ANKRD24: variants seen among roughly 807,000 people sequenced by gnomAD.
ANKRD24 encodes the protein ankyrin repeat domain-containing protein 24.
Under a neutral mutation model 127.8 loss-of-function variants are expected in ANKRD24, and 109 were observed. The ratio of observed to expected loss-of-function variants is 0.85; its 90% CI spans 0.73 to 1.00. The LOEUF is 1.00. Ranked by LOEUF, ANKRD24 falls within the 50% of genes least tolerant of loss-of-function variation. ANKRD24 has a pLI of 0.00. For missense variants in ANKRD24, 1,648 were observed against 1,570.2 expected, an observed-to-expected ratio of 1.05 and a Z score of -0.84; for synonymous variants, 743 against 671.1, an observed-to-expected ratio of 1.11 and a Z score of -1.66.
rs955577079 is a variant in ANKRD24, at chr19:4,199,206, G to A, written c.37-477G>A. On this transcript the variant is annotated intron_variant, in intron 2 of 21. Transcript: ENST00000318934. The surrounding 1 kb of genome is among the most constrained non-coding windows in gnomAD (Gnocchi z 5.2). ...ACTCATGGATCCATTTGCTGGGGGC[G>A]ATGTTGCAGGGGTGGCTTTCACTAA... is the stretch of plus-strand genomic sequence containing the variant. 6.6e-6 allele frequency among the ~76,000 whole-genome samples: 1 copy of A among 151,934 alleles called. No individual in the cohort carries two copies. Among genetic ancestry groups the A allele is most frequent in the Non-Finnish European group, 1.5e-5 (1 of 67,980 alleles).
At chr19:4,206,073 T>C (rs1320235076) in intron 7 of ANKRD24, among the ~76,000 whole-genome samples, 2 of 149,956 alleles carry the variant, frequency 1.3e-5, no homozygotes, top group Non-Finnish European at 3.0e-5. Context: ...ACCCGGGAGG[T>C]GGAGGTTGCA....
At position 4,217,214 on chromosome 19, in the gene ANKRD24, C is replaced by T. The variant is rs1970149579; in HGVS notation, c.2054C>T (p.Thr685Ile). 1 of 1,604,214 alleles carries T rather than the reference C, an allele frequency of 6.2e-7. No individual in the cohort carries two copies. Among genetic ancestry groups the T allele is most frequent in the Non-Finnish European group, 8.5e-7 (1 of 1,174,986 alleles). The part of the protein sequence containing the change: ...TGSRATGMES[T>I]GVSATGVENP... ...TCTAGGGCCACAGGGATGGAATCCA[C>T]AGGAGTCAGTGCCACAGGTGTGGAG... Residue 685 changes from threonine (T) to isoleucine (I), a missense_variant, in exon 18 of 22, where the codon ACA (threonine) becomes ATA (isoleucine). Thr to Ile is a moderately conservative substitution (Grantham distance 89, BLOSUM62 -1). Transcript: ENST00000318934.
Position 4,215,959 on chromosome 19 carries a change from C to G in ANKRD24, c.1198-19C>G, listed in dbSNP as rs867461844. ...GCTGAGAGCAGAACCCCGAGCTGGA[C>G]TCTGCTCCCTCCCCCCAGAACGAGC... On this transcript the variant is annotated intron_variant, in intron 15 of 21. Transcript: ENST00000318934. 11 of 1,568,418 alleles carry G rather than the reference C, an allele frequency of 7.0e-6. No individual in the cohort carries two copies. In the Middle Eastern group the frequency reaches 1.7e-3, roughly 238 times the overall value.
chr19:4,193,694 A>G (rs1256048451), intron 2 of ANKRD24, among the ~76,000 whole-genome samples: 1 of 151,830 alleles, frequency 6.6e-6, no homozygotes, highest in Admixed American at 6.6e-5. Context: ...AAAATTAGCC[A>G]GGCATGGTGG....
chr19:4,203,957 CTTT>C (rs34885254), intron 7 of ANKRD24, among the ~76,000 whole-genome samples: 2,849 of 62,398 alleles, frequency 0.046, 110 homozygotes, highest in African/African-American at 0.15. Flanking sequence ...GCCCTTCTCC[CTTT>C]TTTTTTTTTT....
Position 4,218,047 on chromosome 19 carries a change from G to A in ANKRD24, c.2887G>A (p.Ala963Thr). ...ELERERVCSV[A>T]LSEHERIVGT... ...GGAGCGGGAGCGTGTGTGCAGCGTG[G>A]CGCTCTCGGAGCACGAACGCATCGT... Residue 963 changes from alanine (A) to threonine (T), a missense_variant, in exon 18 of 22, where the codon GCG (alanine) becomes ACG (threonine). Transcript: ENST00000318934. 6.4e-7 allele frequency: 1 copy of A among 1,560,408 alleles called. No homozygotes were observed.
At chr19:4,196,337 TTTG>T (rs112815640) in intron 2 of ANKRD24, among the ~76,000 whole-genome samples, 12,248 of 151,144 alleles carry the variant, frequency 0.081, 675 homozygotes, top group Non-Finnish European at 0.12. Context: ...AGACCTCGGT[TTTG>T]TTGTTGTTGT....
rs376100461 is a variant in ANKRD24, at chr19:4,210,336, G to A, written c.1023G>A (p.Arg341=). Residue 341 remains arginine (R), a synonymous_variant, in exon 13 of 22, where the codon CGG becomes CGA. Coordinates refer to ENST00000318934, the MANE Select transcript of ANKRD24 (RefSeq NM_001393985.1). ...QERGRLLQKI[R]GLEQHKERRQ... The stretch of plus-strand genomic sequence containing the variant: ...GGGGCCGCCTCCTGCAGAAGATCCG[G>A]GGCCTGGAACAGCACAAGGAACGGA... 55 of 1,575,654 alleles carry A rather than the reference G, an allele frequency of 3.5e-5. No individual in the cohort carries two copies. In the African/African-American group the frequency reaches 6.6e-4, roughly 19 times the overall value.
At chr19:4,190,489 C>T (rs1968325322) in intron 2 of ANKRD24, among the ~76,000 whole-genome samples, 1 of 151,168 alleles carries the variant, frequency 6.6e-6, no homozygotes, top group Non-Finnish European at 1.5e-5. Context: ...CTTTGAGAGG[C>T]AGAGGCGGGC....
At chr19:4,200,365 G>A (rs1413816673) in intron 5 of ANKRD24, among the ~76,000 whole-genome samples, 194 bp downstream of exon 5, 1 of 152,178 alleles carries the variant, frequency 6.6e-6, no homozygotes, top group Non-Finnish European at 1.5e-5. Flanking sequence ...GATAGAGACT[G>A]TGGCTGGCAC....
intron 20 of ANKRD24, 100 bp downstream of exon 20, chr19:4,222,895 C>A: frequency 7.4e-7 from 1 of 1,348,456 alleles, no homozygotes. Flanking sequence ...AGGAGAGGGG[C>A]TGGGGTAGGC....
intron 13 of ANKRD24, 47 bp from the exon 14 acceptor site, chr19:4,212,427 GA>G: frequency 6.4e-7 from 1 of 1,557,808 alleles, no homozygotes; most frequent in South Asian, 1.2e-5. Context: ...GTGGGGCAGG[GA>G]GGCCTCTTGC....
At position 4,218,108 on chromosome 19, in the gene ANKRD24, G is replaced by GGCAGCTGGAGGA; in HGVS notation, c.2951_2962dup (p.Gln984_Glu987dup). On this transcript the variant is annotated inframe_insertion, in exon 18 of 22. Coordinates refer to ENST00000318934, the MANE Select transcript of ANKRD24 (RefSeq NM_001393985.1). ...CAGGCCAACGTGGCCCAGCTGGAGG[G>GGCAGCTGGAGGA]GCAGCTGGAGGAGCTGGGACGGCGG... 6.5e-7 allele frequency: 1 copy of GGCAGCTGGAGGA among 1,544,062 alleles called. No individual in the cohort carries two copies. The highest frequency in any genetic ancestry group is 8.7e-7 in the Non-Finnish European group (1 of 1,147,116).
In ANKRD24 at chr19:4,217,243, C is replaced by T. The variant is rs1378384155; in HGVS notation, c.2083C>T (p.Pro695Ser). The stretch of plus-strand genomic sequence containing the variant: ...AGTCAGTGCCACAGGTGTGGAGAAC[C>T]CAGGGGTAGAGGCCACGGTCCCGGG... Reference protein sequence around the residue: ...TGVSATGVENPGVEATVPGIS... With the variant: ...TGVSATGVENSGVEATVPGIS... The change falls in exon 18 of 22, where the codon CCA becomes TCA. Residue 695 changes from proline to serine, a missense_variant. Physicochemically the swap from Pro to Ser is moderately conservative, Grantham distance 74. Transcript: ENST00000318934. 6.3e-7 allele frequency: 1 copy of T among 1,593,122 alleles called. No individual in the cohort carries two copies. Among genetic ancestry groups the T allele is most frequent in the South Asian group, 1.1e-5 (1 of 88,354 alleles).
In ANKRD24 at chr19:4,217,469, A is replaced by G; in HGVS notation, c.2309A>G (p.Glu770Gly). 6.8e-7 allele frequency: 1 copy of G among 1,475,488 alleles called. No homozygotes were observed. The highest frequency in any genetic ancestry group is 1.4e-5 in the South Asian group (1 of 71,104). The allele number at this position is 1,475,488 out of a possible 1,614,324, so 91.4% of individuals were successfully genotyped here. The change falls in exon 18 of 22, where the codon GAG becomes GGG. Residue 770 changes from glutamate to glycine, a missense_variant. Glu to Gly is a moderately conservative substitution (Grantham distance 98, BLOSUM62 -2). Transcript: ENST00000318934. The part of the protein sequence containing the change: ...EAGRLRERVR[E>G]AEGSGASGGG... ...GGCCGGCTGCGAGAGCGTGTCCGCG[A>G]GGCCGAGGGCAGCGGGGCCAGCGGG...
rs1970503531 is a variant in ANKRD24 at position 4,222,655 on chromosome 19, C to T, written c.3172-15C>T. ...CTGGGCTTAGGGTGATCGCTGACAG[C>T]ACCTGCACCCTCAGATCACAGAACT... On this transcript the variant is annotated splice_polypyrimidine_tract_variant and intron_variant, in intron 19 of 21. Coordinates refer to ENST00000318934, the MANE Select transcript of ANKRD24 (RefSeq NM_001393985.1). 1.9e-6 allele frequency: 3 copies of T among 1,593,676 alleles called. No homozygotes were observed. Among genetic ancestry groups the T allele is most frequent in the Middle Eastern group, 1.7e-4 (1 of 5,990 alleles).
intron 2 of ANKRD24, among the ~76,000 whole-genome samples, chr19:4,187,624 G>A (rs1008626379): frequency 9.9e-5 from 15 of 152,096 alleles, no homozygotes; most frequent in African/African-American, 2.4e-4. Context: ...TCCCTGTGGC[G>A]GCCAATTCAG....
chr19:4,215,939 GAGC>G (rs1568337938), intron 15 of ANKRD24, 36 bp from the exon 16 acceptor site: 3 of 1,531,174 alleles, frequency 2.0e-6, no homozygotes, highest in African/African-American at 2.8e-5. Flanking sequence ...CGGGGGCTGA[GAGC>G]AGAACCCCGA....
intron 2 of ANKRD24, among the ~76,000 whole-genome samples, chr19:4,190,541 A>G (rs1968328017): frequency 6.6e-6 from 1 of 151,826 alleles, no homozygotes; most frequent in African/African-American, 2.4e-5. Flanking sequence ...CCTGGCCAAC[A>G]TGGTGAAACC....
Sources: gnomAD v4.1 joint callset for allele counts (sites outside exome capture counted in the v4.1 genomes callset) on GRCh38, gnomAD v4.1.1 for gene constraint, Gnocchi (gnomAD v3.1) non-coding constraint, MANE v1.5 for transcripts, NCBI Gene and HGNC (gene_info 2026-07-23, HGNC 2026-07-21) for gene names.